RYR2: variants seen among roughly 807,000 people sequenced by gnomAD.
RYR2 encodes the protein ryanodine receptor 2, also known as cardiac muscle ryanodine receptor-calcium release channel.
RYR2 carries 227 observed loss-of-function variants against 601.1 expected under a neutral mutation model. The observed-to-expected ratio is 0.38, with a 90% CI of 0.34 to 0.42. RYR2 has a LOEUF of 0.42. RYR2 is among the 10% of genes least tolerant of loss of function. RYR2 has a pLI of 1.00. For synonymous variants in RYR2, 2,223 were observed against 2,175.1 expected, an observed-to-expected ratio of 1.02 and a Z score of -0.61; for missense variants, 4,646 against 6,156.5, an observed-to-expected ratio of 0.75 and a Z score of 8.21.
At chr1:237,357,062 ATTTT>A (rs1410015084) in intron 4 of RYR2, among the ~76,000 whole-genome samples, 1 of 150,402 alleles carries the variant, frequency 6.6e-6, no homozygotes, top group Non-Finnish European at 1.5e-5. Flanking sequence ...TTTTTTTTAA[ATTTT>A]TTTTAGCCCT....
chr1:237,432,790 T>A (rs1706961670), intron 12 of RYR2, among the ~76,000 whole-genome samples: 1 of 152,122 alleles, frequency 6.6e-6, no homozygotes, highest in East Asian at 1.9e-4. Context: ...GTCATCACTA[T>A]CATTATCATC....
rs1461019181 is a variant in RYR2 at position 237,469,092 on chromosome 1, C to T, written c.1613C>T (p.Ala538Val). 7 of 1,611,350 alleles carry T rather than the reference C, an allele frequency of 4.3e-6. No homozygotes were observed. Among genetic ancestry groups the T allele is most frequent in the African/African-American group, 1.3e-5 (1 of 74,732 alleles). Residue 538 changes from alanine (A) to valine (V), a missense_variant and splice_region_variant, in exon 17 of 105, where the codon GCG (alanine) becomes GTG (valine). By Grantham distance (64) the Ala-to-Val change is moderately conservative. This residue lies in a region of RYR2 where 1,807 missense variants were observed against 2,088.1 expected (regional missense o/e 0.87). Transcript: ENST00000366574. Reference sequence around the variant, plus strand: ...GTGAAATCTATTTCTTCTTTTGCAGCGGCTCTAATTAGAGGAAATCGTAAA... The same window carrying T: ...GTGAAATCTATTTCTTCTTTTGCAGTGGCTCTAATTAGAGGAAATCGTAAA... Reference protein sequence around the residue: ...SILNSLYELLAALIRGNRKNC... With the variant: ...SILNSLYELLVALIRGNRKNC...
chr1:237,678,123 C>T lies in RYR2; in HGVS notation c.8895+11C>T. 1.3e-6 allele frequency: 2 copies of T among 1,513,212 alleles called. No homozygotes were observed. Among genetic ancestry groups the T allele is most frequent in the Admixed American group, 1.7e-5 (1 of 58,098 alleles). 93.7% of individuals were successfully genotyped at this position (1,513,212 alleles called of 1,614,324 possible). ...AAGTTCTTTGCAAAAGTACAGTATA[C>T]AATCTATCTTGTTTTTGCTTCAATA... is the stretch of plus-strand genomic sequence containing the variant. On this transcript the variant is annotated intron_variant, in intron 61 of 104. Transcript: ENST00000366574.
intron 16 of RYR2, among the ~76,000 whole-genome samples, chr1:237,464,231 G>C (rs945525181): frequency 6.6e-6 from 1 of 151,966 alleles, no homozygotes; most frequent in South Asian, 2.1e-4. Context: ...CTTTGATGTT[G>C]GTACATTTTA....
At chr1:237,746,839 T>C (rs577562788) in intron 80 of RYR2, among the ~76,000 whole-genome samples, 24 of 152,264 alleles carry the variant, frequency 1.6e-4, no homozygotes, top group African/African-American at 5.8e-4. Context: ...TTTAGCTTTT[T>C]AATTTTTGCT....
At chr1:237,540,472 C>G (rs1255600398) in intron 25 of RYR2, among the ~76,000 whole-genome samples, 2 of 151,974 alleles carry the variant, frequency 1.3e-5, no homozygotes, top group African/African-American at 4.8e-5. Context: ...GTTGGGAGGC[C>G]GAGGCGGTCA....
chr1:237,290,832 G>A (rs953538515), intron 2 of RYR2, among the ~76,000 whole-genome samples: 3 of 152,130 alleles, frequency 2.0e-5, no homozygotes, highest in Admixed American at 2.0e-4. Context: ...TGTTCAATAT[G>A]TTTGAAGAAA....
At chr1:237,791,896 G>T (rs960839338) in intron 93 of RYR2, 1 of 587,430 alleles carries the variant, frequency 1.7e-6, no homozygotes, top group Non-Finnish European at 3.0e-6. Context: ...AGAATTTTTG[G>T]TTGAATAAGA....
intron 1 of RYR2, among the ~76,000 whole-genome samples, chr1:237,182,721 A>G (rs2148960236): frequency 6.6e-6 from 1 of 152,310 alleles, no homozygotes; most frequent in African/African-American, 2.4e-5. Context: ...CACAATTTAA[A>G]AAATCTATTA....
chr1:237,060,914 T>C (rs992762951), intron 1 of RYR2, among the ~76,000 whole-genome samples: 11 of 152,348 alleles, frequency 7.2e-5, no homozygotes, highest in Non-Finnish European at 1.3e-4. Flanking sequence ...GCTGGATATA[T>C]ACCTATGAGT....
Position 237,091,834 on chromosome 1 carries a change from T to C in RYR2, c.48+49265T>C, listed in dbSNP as rs142914311. On this transcript the variant is annotated intron_variant, in intron 1 of 104. Coordinates refer to ENST00000366574, the MANE Select transcript of RYR2 (RefSeq NM_001035.3). ...AATTCCAGGCCTGTGCTGCCTAATG[T>C]GGCAGCCACCAGCCAGAGCATTCCT... is the stretch of plus-strand genomic sequence containing the variant. Among the ~76,000 whole-genome samples, 722 of 152,296 alleles carry C rather than the reference T, an allele frequency of 4.7e-3. 9 individuals are homozygous for C. Among genetic ancestry groups the C allele is most frequent in the African/African-American group, 0.016 (670 of 41,564 alleles).
At chr1:237,127,274 T>C (rs1310615501) in intron 1 of RYR2, among the ~76,000 whole-genome samples, 8 of 151,640 alleles carry the variant, frequency 5.3e-5, no homozygotes, top group African/African-American at 1.2e-4. Flanking sequence ...ATTGTCATCC[T>C]GGCCCGTTCT....
At chr1:237,481,665 T>C (rs1245727523) in intron 17 of RYR2, among the ~76,000 whole-genome samples, 6 of 152,154 alleles carry the variant, frequency 3.9e-5, no homozygotes, top group Non-Finnish European at 8.8e-5. Context: ...TATCACTCAT[T>C]GGCAGTTTAA....
At chr1:237,831,637 T>C in intron 104 of RYR2, 72 bp downstream of exon 104, 2 of 887,292 alleles carry the variant, frequency 2.3e-6, no homozygotes, top group Non-Finnish European at 3.6e-6. Flanking sequence ...ACAAAATGTG[T>C]GCATTAAACA....
intron 63 of RYR2, among the ~76,000 whole-genome samples, chr1:237,690,768 T>A (rs895720241): frequency 1.3e-5 from 2 of 151,846 alleles, no homozygotes; most frequent in African/African-American, 4.8e-5. Flanking sequence ...GAGGCTGGGG[T>A]GGGAGGATTG....
chr1:237,705,628 G>A (rs1006824531), intron 67 of RYR2, among the ~76,000 whole-genome samples: 1 of 152,120 alleles, frequency 6.6e-6, no homozygotes, highest in African/African-American at 2.4e-5. Flanking sequence ...GCTCCTAGAG[G>A]TAGAGTCATC....
At position 237,240,130 on chromosome 1, in the gene RYR2, T is replaced by C. The variant is rs572967403; in HGVS notation, c.49-30367T>C. On this transcript the variant is annotated intron_variant, in intron 1 of 104. Coordinates refer to ENST00000366574, the MANE Select transcript of RYR2 (RefSeq NM_001035.3). ...CCCTAGAGCAAAAAAGTATTTGAAT[T>C]CCAGGTATTTTCAGAAGTTTTGGCA... is the stretch of plus-strand genomic sequence containing the variant. Among the ~76,000 whole-genome samples the C allele has an allele frequency of 2.6e-5, 4 of 152,330 alleles. No individual in the cohort carries two copies. The East Asian group carries it at 7.7e-4, about 29-fold the overall frequency.
intron 35 of RYR2, among the ~76,000 whole-genome samples, chr1:237,609,432 C>T (rs923161087): frequency 7.4e-5 from 11 of 148,818 alleles, no homozygotes; most frequent in African/African-American, 2.2e-4. Context: ...TGCAGTGACA[C>T]GATCTCAGCT....
intron 4 of RYR2, among the ~76,000 whole-genome samples, chr1:237,363,214 A>AT (rs1699926421): frequency 6.6e-6 from 1 of 152,106 alleles, no homozygotes; most frequent in Admixed American, 6.6e-5. Flanking sequence ...TGATATCTCT[A>AT]CCATTAGTGA....
Sources: allele counts gnomAD v4.1 joint callset (sites outside exome capture counted in the v4.1 genomes callset), GRCh38; gene constraint gnomAD v4.1.1; regional missense constraint gnomAD v4.1.1; transcripts MANE v1.5; gene names NCBI Gene and HGNC (gene_info 2026-07-23, HGNC 2026-07-21).